Variants in ARHGAP24 observed in about 807,000 individuals in gnomAD.
The protein encoded by ARHGAP24 is Rho GTPase activating protein 24.
Under a neutral mutation model 76.4 loss-of-function variants are expected in ARHGAP24, and 50 were observed. That is an observed-to-expected ratio of 0.65 (90% CI 0.52 to 0.83). ARHGAP24 has a LOEUF of 0.83. Ranked by LOEUF, ARHGAP24 falls within the 40% of genes least tolerant of loss-of-function variation. The pLI is 0.00. For synonymous variants in ARHGAP24, 345 were observed against 323.3 expected (o/e 1.07, Z -0.72); for missense variants, 930 against 914.2 (o/e 1.02, Z -0.22).
chr4:85,559,275 A>G (rs528000279), intron 1 of ARHGAP24, among the ~76,000 whole-genome samples: 8 of 152,342 alleles, frequency 5.3e-5, no homozygotes, highest in Admixed American at 4.6e-4. Flanking sequence ...TTAATAAATG[A>G]GTTCATTTTA....
chr4:85,912,936 G>A (rs930239238), intron 3 of ARHGAP24, among the ~76,000 whole-genome samples: 3 of 151,924 alleles, frequency 2.0e-5, no homozygotes, highest in African/African-American at 7.3e-5. Flanking sequence ...CGATTATATG[G>A]ATTGTCGAAC....
chr4:85,662,454 C>A (rs1411095530), intron 2 of ARHGAP24, among the ~76,000 whole-genome samples: 1 of 150,774 alleles, frequency 6.6e-6, no homozygotes, highest in Non-Finnish European at 1.5e-5. Flanking sequence ...AAATTTTCTC[C>A]CATTTTGTAG....
At chr4:85,543,476 T>A (rs17010393) in intron 1 of ARHGAP24, among the ~76,000 whole-genome samples, 18,772 of 152,136 alleles carry the variant, frequency 0.12, 3,262 homozygotes, top group African/African-American at 0.39. Flanking sequence ...GAATGACATC[T>A]TCTACTGTTG....
At chr4:85,759,766 G>T (rs578235111) in intron 3 of ARHGAP24, among the ~76,000 whole-genome samples, 1 of 152,116 alleles carries the variant, frequency 6.6e-6, no homozygotes, top group Non-Finnish European at 1.5e-5. Flanking sequence ...ACATTAAAGG[G>T]GGAACAAGTT....
At chr4:85,614,944 G>A (rs879112734) in intron 2 of ARHGAP24, among the ~76,000 whole-genome samples, 4 of 152,002 alleles carry the variant, frequency 2.6e-5, no homozygotes, top group Admixed American at 2.6e-4. Flanking sequence ...TTATTGAAAT[G>A]TAATTTGACT....
At chr4:85,960,806 A>C (rs924030679) in intron 5 of ARHGAP24, among the ~76,000 whole-genome samples, 2 of 152,134 alleles carry the variant, frequency 1.3e-5, no homozygotes, top group African/African-American at 4.8e-5. Context: ...CAGTGTACAA[A>C]GTCATAGTCC....
chr4:85,524,487 C>A (rs1037555562), intron 1 of ARHGAP24, among the ~76,000 whole-genome samples: 1 of 152,174 alleles, frequency 6.6e-6, no homozygotes, highest in South Asian at 2.1e-4. Context: ...AACATGTGAA[C>A]ATATGATGAC....
chr4:85,564,461 CA>C (rs35190593), intron 1 of ARHGAP24, among the ~76,000 whole-genome samples: 98,689 of 146,582 alleles, frequency 0.67, 33,684 homozygotes, highest in East Asian at 0.83. Flanking sequence ...TTAATGGGTG[CA>C]GCACACCAAC....
Position 85,577,925 on chromosome 4 carries a change from G to A in ARHGAP24, c.180+7204G>A, listed in dbSNP as rs182969989. ...AAGTATTCCCATACCTAAGAAAGAG[G>A]ACAAGAAGAGAGAGAGATTTGGAGA... On this transcript the variant is annotated intron_variant, in intron 2 of 9. Coordinates refer to ENST00000395184, the MANE Select transcript of ARHGAP24 (RefSeq NM_001025616.3). Among the ~76,000 whole-genome samples, 21 of 152,246 alleles carry A rather than the reference G, an allele frequency of 1.4e-4. No homozygotes were observed. The South Asian group carries it at 1.5e-3, about 11-fold the overall frequency.
At chr4:85,890,431 T>G (rs4326006) in intron 3 of ARHGAP24, among the ~76,000 whole-genome samples, 22 of 152,070 alleles carry the variant, frequency 1.4e-4, no homozygotes, top group Non-Finnish European at 2.4e-4. Flanking sequence ...GGAGAGATAG[T>G]TAAGCAAAGA....
At chr4:85,975,729 C>T (rs1160134343) in intron 7 of ARHGAP24, 2 of 152,196 alleles carry the variant, frequency 1.3e-5, no homozygotes, top group African/African-American at 4.8e-5. Context: ...GATAGCTTCC[C>T]AGTCCATTTT....
At chr4:85,674,963 G>C (rs1415090622) in intron 2 of ARHGAP24, among the ~76,000 whole-genome samples, 1 of 152,134 alleles carries the variant, frequency 6.6e-6, no homozygotes, top group African/African-American at 2.4e-5. Flanking sequence ...CACAAGCATG[G>C]GGCAGCTGTA....
intron 3 of ARHGAP24, among the ~76,000 whole-genome samples, chr4:85,916,756 G>A (rs992946013): frequency 6.6e-6 from 1 of 152,038 alleles, no homozygotes; most frequent in African/African-American, 2.4e-5. Context: ...AACTTGTCTT[G>A]GAAACTAACT....
intron 1 of ARHGAP24, among the ~76,000 whole-genome samples, chr4:85,551,346 A>T (rs1454272946): frequency 2.6e-5 from 4 of 152,178 alleles, no homozygotes; most frequent in African/African-American, 7.2e-5. Context: ...ATTTGTATAT[A>T]TTGAACCAAC....
chr4:85,869,326 G>A (rs1359030925), intron 3 of ARHGAP24, among the ~76,000 whole-genome samples: 1 of 152,190 alleles, frequency 6.6e-6, no homozygotes, highest in Admixed American at 6.6e-5. Context: ...GGTTGTTGAT[G>A]CATCCAGCCC....
In ARHGAP24 at chr4:85,501,372, C is replaced by G. The variant is rs59118123; in HGVS notation, c.-21+25813C>G. Among the ~76,000 whole-genome samples the G allele has an allele frequency of 2.7e-3, 413 of 152,330 alleles. 2 individuals carry two copies. The highest frequency in any genetic ancestry group is 9.0e-3 in the African/African-American group (374 of 41,556). On this transcript the variant is annotated intron_variant, in intron 1 of 9. Transcript: ENST00000395184. Reference sequence around the variant, plus strand: ...TAAATGCATTCCTATTTCTCCACATCCTCTGCAGCATCTGTTGTTTCCTGA... The same window carrying G: ...TAAATGCATTCCTATTTCTCCACATGCTCTGCAGCATCTGTTGTTTCCTGA...
chr4:85,843,498 TTTAA>T (rs1730713731), intron 3 of ARHGAP24, among the ~76,000 whole-genome samples: 1 of 151,832 alleles, frequency 6.6e-6, no homozygotes, highest in Non-Finnish European at 1.5e-5. Flanking sequence ...ATAATTTAAA[TTTAA>T]TTAAATAATA....
chr4:85,590,321 T>A (rs1728040774), intron 2 of ARHGAP24, among the ~76,000 whole-genome samples: 1 of 150,972 alleles, frequency 6.6e-6, no homozygotes, highest in African/African-American at 2.4e-5. Flanking sequence ...CTTTCCTTTT[T>A]TTCTCCCTTT....
intron 3 of ARHGAP24, among the ~76,000 whole-genome samples, chr4:85,738,432 G>A (rs1374244572): frequency 1.4e-5 from 2 of 148,020 alleles, no homozygotes; most frequent in Non-Finnish European, 3.0e-5. Context: ...TTGTCAGGTT[G>A]TAAGAGTTCT....
Sources: allele counts gnomAD v4.1 joint callset (sites outside exome capture counted in the v4.1 genomes callset), GRCh38; gene constraint gnomAD v4.1.1; transcripts MANE v1.5; gene names NCBI Gene and HGNC (gene_info 2026-07-23, HGNC 2026-07-21).